Variants in USP36 observed in about 807,000 individuals in gnomAD.
USP36 encodes ubiquitin specific peptidase 36.
Under a neutral mutation model 111.5 loss-of-function variants are expected in USP36, and 59 were observed. The observed-to-expected ratio is 0.53, with a 90% CI of 0.43 to 0.66. The LOEUF (loss-of-function observed/expected upper bound fraction) is 0.66. Ranked by LOEUF, USP36 falls within the 30% of genes least tolerant of loss-of-function variation. The pLI is 0.00. For missense variants in USP36, 1,488 were observed against 1,468.0 expected (o/e 1.01, Z -0.22); for synonymous variants, 628 against 581.0 (o/e 1.08, Z -1.16).
At chr17:78,820,697 G>A (rs576768259) in intron 8 of USP36, among the ~76,000 whole-genome samples, 44 of 152,276 alleles carry the variant, frequency 2.9e-4, no homozygotes, top group South Asian at 6.2e-4. Flanking sequence ...GCTGCACGCC[G>A]CCCAGAGCAC....
At chr17:78,801,617 G>C (rs2093745368) in intron 17 of USP36, among the ~76,000 whole-genome samples, 2 of 152,176 alleles carry the variant, frequency 1.3e-5, no homozygotes, top group South Asian at 4.1e-4. Flanking sequence ...CCGATTGAGG[G>C]GTGGTGCCCA....
intron 4 of USP36, among the ~76,000 whole-genome samples, chr17:78,830,563 C>A (rs1413321539): frequency 6.6e-6 from 1 of 152,222 alleles, no homozygotes; most frequent in African/African-American, 2.4e-5. Context: ...GCCTTCAAAT[C>A]TGCTAGATAC....
In USP36 at chr17:78,814,482, T is replaced by C. The variant is rs1256493488; in HGVS notation, c.1094A>G (p.Tyr365Cys). Residue 365 changes from tyrosine (Y) to cysteine (C), a missense_variant, in exon 11 of 21, where the codon TAT becomes TGT. Physicochemically the swap from Tyr to Cys is radical, Grantham distance 194 (BLOSUM62 -2). Transcript: ENST00000449938. The stretch of plus-strand genomic sequence containing the variant: ...GTGCACCAGGACAGCATAGAGTCCA[T>C]ACATGACAGGATCACCATTATTCTG... ...MSQNNGDPVM[Y>C]GLYAVLVHSG... is the part of the protein sequence containing the mutation. The C allele has an allele frequency of 1.9e-6, 3 of 1,614,096 alleles. No individual in the cohort carries two copies. The highest frequency in any genetic ancestry group is 2.7e-5 in the African/African-American group (2 of 74,928).
chr17:78,838,325 T>C (rs2145687260), intron 2 of USP36, among the ~76,000 whole-genome samples: 1 of 128,584 alleles, frequency 7.8e-6, no homozygotes, highest in East Asian at 2.3e-4. Flanking sequence ...TGAGCCGAGA[T>C]CGCGCCACTG....
At chr17:78,804,767 T>C (rs1598990887) in intron 15 of USP36, among the ~76,000 whole-genome samples, 1 of 151,866 alleles carries the variant, frequency 6.6e-6, no homozygotes, top group Non-Finnish European at 1.5e-5. Context: ...AATTCAAGTA[T>C]TTTTGCGAGC....
intron 3 of USP36, among the ~76,000 whole-genome samples, chr17:78,835,841 A>C (rs1013554134): frequency 1.3e-5 from 2 of 152,178 alleles, no homozygotes; most frequent in Non-Finnish European, 2.9e-5. Context: ...TCTTAGTTCC[A>C]AGCCTGACTT....
At chr17:78,799,171 G>A (rs1436344972) in intron 18 of USP36, 148 bp from the exon 19 acceptor site, 1 of 790,318 alleles carries the variant, frequency 1.3e-6, no homozygotes, top group Non-Finnish European at 2.1e-6. Flanking sequence ...GACAAGAGGA[G>A]GACGGCTCGA....
chr17:78,815,731 T>C (rs1449360237), intron 10 of USP36, among the ~76,000 whole-genome samples: 1 of 152,140 alleles, frequency 6.6e-6, no homozygotes, highest in African/African-American at 2.4e-5. Context: ...CGCACACATA[T>C]ACATAACATG....
chr17:78,806,264 G>A lies in USP36; in HGVS notation c.2108C>T (p.Thr703Ile). The change falls in exon 15 of 21, where the codon ACC becomes ATC. Residue 703 changes from threonine to isoleucine, a missense_variant. Around this residue, in one of 3 missense-constraint regions of USP36, gnomAD observed 1,073 missense variants for 994.1 expected, o/e 1.08. Transcript: ENST00000449938. Reference protein sequence around the residue: ...AKKASTLWRATGNDLRPPPPS... With the variant: ...AKKASTLWRAIGNDLRPPPPS... ...GGGAGGTGGACGGAGGTCATTGCCGGTCGCCCTCCACAGGGTGCTGGCCTG... is the reference window on the plus strand; with the variant it reads ...GGGAGGTGGACGGAGGTCATTGCCGATCGCCCTCCACAGGGTGCTGGCCTG... 1 of 1,613,870 alleles carries A rather than the reference G, an allele frequency of 6.2e-7. No homozygotes were observed.
upstream of USP36, chr17:78,840,852 G>C (rs1349682760): frequency 1.3e-5 from 2 of 152,432 alleles, no homozygotes; most frequent in African/African-American, 4.8e-5. Context: ...TCACCGCGAC[G>C]CTTAAAGGCG....
rs530975961 is a variant in USP36, at chr17:78,808,868, T to C, written c.1408-1232A>G. On this transcript the variant is annotated intron_variant, in intron 13 of 20. Coordinates refer to ENST00000449938, the MANE Select transcript of USP36 (RefSeq NM_001385174.1). Reference sequence around the variant, plus strand: ...TATAGAGTCGGTGCTTAAAAAATATTTGTTGAGCTTTTCCTGTACTTAGTA... The same window carrying C: ...TATAGAGTCGGTGCTTAAAAAATATCTGTTGAGCTTTTCCTGTACTTAGTA... 5.3e-5 allele frequency among the ~76,000 whole-genome samples: 8 copies of C among 152,240 alleles called. No individual in the cohort carries two copies. The South Asian group carries it at 1.7e-3, about 32-fold the overall frequency.
intron 13 of USP36, among the ~76,000 whole-genome samples, chr17:78,811,846 C>T (rs775007709): frequency 4.0e-5 from 6 of 150,572 alleles, no homozygotes; most frequent in Non-Finnish European, 7.4e-5. Flanking sequence ...CCAGCCTGGG[C>T]GACAGAATGA....
intron 3 of USP36, among the ~76,000 whole-genome samples, chr17:78,790,060 C>T (rs918395767): frequency 6.6e-6 from 1 of 152,160 alleles, no homozygotes; most frequent in Non-Finnish European, 1.5e-5. Context: ...AGAACTGTAG[C>T]CACATAAGAC....
chr17:78,835,955 T>C, intron 3 of USP36, 156 bp downstream of exon 3: 1 of 1,066,380 alleles, frequency 9.4e-7, no homozygotes, highest in Non-Finnish European at 1.3e-6. Context: ...CCCTGTATCA[T>C]TACTTCTATA....
At chr17:78,813,360 C>T (rs988239359) in intron 12 of USP36, among the ~76,000 whole-genome samples, 2 of 152,192 alleles carry the variant, frequency 1.3e-5, no homozygotes, top group Non-Finnish European at 2.9e-5. Context: ...AGGTCAGTGA[C>T]AGCCAGCTCC....
At chr17:78,825,889 G>T (rs9913300) in intron 6 of USP36, among the ~76,000 whole-genome samples, 1 of 152,190 alleles carries the variant, frequency 6.6e-6, no homozygotes, top group Admixed American at 6.5e-5. Flanking sequence ...CTCCCAGGAA[G>T]CCGCCTCTGG....
At chr17:78,802,666 C>T in intron 16 of USP36, 131 bp from the exon 17 acceptor site, 3 of 853,784 alleles carry the variant, frequency 3.5e-6, no homozygotes, top group Non-Finnish European at 5.4e-6. Context: ...GTCCCTGCAA[C>T]ATTCTTCCCC....
At position 78,803,744 on chromosome 17, in the gene USP36, C is replaced by T. The variant is rs150813194; in HGVS notation, c.2451G>A (p.Val817=). ...SPSEKRKKTF[V]GEPQRLGSET... ...CTGAGCCCAGCCTCTGCGGCTCTCC[C>T]ACAAAGGTCTTTTTCCTCTTCTCAG... The change falls in exon 16 of 21, where the codon GTG becomes GTA. Residue 817 remains valine (V), a synonymous_variant. Coordinates refer to ENST00000449938, the MANE Select transcript of USP36 (RefSeq NM_001385174.1). The surrounding 1 kb of genome is among the most constrained non-coding windows in gnomAD (Gnocchi z 4.6). 3.7e-6 allele frequency: 6 copies of T among 1,612,480 alleles called. No individual in the cohort carries two copies. Among genetic ancestry groups the T allele is most frequent in the Non-Finnish European group, 5.1e-6 (6 of 1,179,922 alleles).
intron 6 of USP36, chr17:78,827,034 G>A (rs996740105): frequency 2.9e-5 from 20 of 693,296 alleles, no homozygotes; most frequent in African/African-American, 5.3e-5. Flanking sequence ...CCAGCAGGAC[G>A]TCTCCGGAGA....
Sources: gnomAD v4.1 joint callset for allele counts (sites outside exome capture counted in the v4.1 genomes callset) on GRCh38, gnomAD v4.1.1 for gene constraint, gnomAD v4.1.1 regional missense constraint, Gnocchi (gnomAD v3.1) non-coding constraint, MANE v1.5 for transcripts, NCBI Gene and HGNC (gene_info 2026-07-23, HGNC 2026-07-21) for gene names.